PLD5: variants seen among roughly 807,000 people sequenced by gnomAD.
PLD5 encodes the protein inactive phospholipase D5.
A neutral mutation model predicts 61.1 loss-of-function variants in PLD5; 36 were observed. The observed-to-expected ratio is 0.59, with a 90% confidence interval of 0.45 to 0.78. PLD5 has a LOEUF of 0.78. PLD5 is among the 30% of genes least tolerant of loss of function. The pLI is 0.00. For missense variants in PLD5, 515 were observed against 644.4 expected (o/e 0.80, Z 2.17); for synonymous variants, 243 against 242.8 (o/e 1.00, Z -0.01).
intron 5 of PLD5, among the ~76,000 whole-genome samples, chr1:242,137,128 CAT>C (rs1256622396): frequency 1.3e-5 from 2 of 152,330 alleles, no homozygotes; most frequent in Non-Finnish European, 1.5e-5. Context: ...GTCCAGGACA[CAT>C]AGCCCTCCTG....
intron 2 of PLD5, among the ~76,000 whole-genome samples, chr1:242,314,831 TC>T (rs1676910443): frequency 1.3e-5 from 2 of 152,228 alleles, no homozygotes; most frequent in African/African-American, 4.8e-5. Flanking sequence ...TTTTTTTTTT[TC>T]TAAGTTGGAG....
intron 2 of PLD5, among the ~76,000 whole-genome samples, chr1:242,330,619 G>T (rs1391390884): frequency 2.6e-5 from 4 of 152,080 alleles, no homozygotes; most frequent in Non-Finnish European, 5.9e-5. Flanking sequence ...TCTAGCATTA[G>T]CACAGTCTTC....
At chr1:242,407,570 T>G (rs10926727) in intron 1 of PLD5, among the ~76,000 whole-genome samples, 1 of 150,714 alleles carries the variant, frequency 6.6e-6, no homozygotes, top group Non-Finnish European at 1.5e-5. Flanking sequence ...TGTTTTTTTT[T>G]TTTTTTTTTG....
intron 9 of PLD5, among the ~76,000 whole-genome samples, chr1:242,098,645 G>T (rs1475285671): frequency 6.6e-6 from 1 of 152,130 alleles, no homozygotes; most frequent in Non-Finnish European, 1.5e-5. Context: ...CTGATTTTTA[G>T]AATTTTCAGT....
At chr1:242,313,340 C>T (rs1406196835) in intron 2 of PLD5, among the ~76,000 whole-genome samples, 1 of 152,186 alleles carries the variant, frequency 6.6e-6, no homozygotes, top group Non-Finnish European at 1.5e-5. Flanking sequence ...ATCTCTCATC[C>T]ATAAAGGGTA....
chr1:242,239,036 TA>T (rs1433098998), intron 4 of PLD5, among the ~76,000 whole-genome samples: 2 of 152,196 alleles, frequency 1.3e-5, no homozygotes, highest in Non-Finnish European at 2.9e-5. Context: ...TGTCATGAAG[TA>T]AAAGGTGATC....
At chr1:242,184,427 C>T (rs1667743133) in intron 5 of PLD5, among the ~76,000 whole-genome samples, 2 of 151,964 alleles carry the variant, frequency 1.3e-5, no homozygotes. Context: ...CTCTGTCAAC[C>T]AGGCTGGAGT....
chr1:242,164,932 C>T (rs1666191377), intron 5 of PLD5, among the ~76,000 whole-genome samples: 1 of 152,144 alleles, frequency 6.6e-6, no homozygotes, highest in South Asian at 2.1e-4. Context: ...TAACCTTCCA[C>T]CCTTCCACAG....
In PLD5 at chr1:242,524,068, C is replaced by CG; in HGVS notation, c.189+19dup. On this transcript the variant is annotated intron_variant, in intron 1 of 9. Transcript: ENST00000536534. ...GCGGCAGGTGCCTGGCCGAGGCCCC[C>CG]GGGAGCGAGTCGCCCTTACGTGCTC... 1.3e-6 allele frequency: 2 copies of CG among 1,528,292 alleles called. No individual in the cohort carries two copies. The highest frequency in any genetic ancestry group is 5.0e-5 in the East Asian group (2 of 39,860). The allele number at this position is 1,528,292 out of a possible 1,614,324, so 94.7% of individuals were successfully genotyped here.
chr1:242,398,972 A>G (rs1663763858), intron 1 of PLD5, among the ~76,000 whole-genome samples: 1 of 152,194 alleles, frequency 6.6e-6, no homozygotes, highest in Non-Finnish European at 1.5e-5. Flanking sequence ...TCTAACAGGG[A>G]TCAATCCAAG....
intron 5 of PLD5, among the ~76,000 whole-genome samples, chr1:242,194,153 A>T (rs427498): frequency 1.3e-5 from 2 of 152,000 alleles, no homozygotes; most frequent in African/African-American, 4.8e-5. Context: ...GTCACCAACC[A>T]AAAAGGTTGC....
intron 5 of PLD5, among the ~76,000 whole-genome samples, chr1:242,197,466 G>A (rs950242253): frequency 1.8e-4 from 27 of 152,082 alleles, no homozygotes; most frequent in Non-Finnish European, 3.5e-4. Flanking sequence ...ACAGGTGACT[G>A]ACTGCCTTTT....
intron 4 of PLD5, among the ~76,000 whole-genome samples, chr1:242,251,772 G>GT (rs1335684597): frequency 6.6e-6 from 1 of 152,138 alleles, no homozygotes; most frequent in Non-Finnish European, 1.5e-5. Flanking sequence ...AAATGTAAAG[G>GT]TAAGAGAGAA....
chr1:242,421,325 G>T (rs1484836054), intron 1 of PLD5, among the ~76,000 whole-genome samples: 3 of 152,008 alleles, frequency 2.0e-5, no homozygotes, highest in Non-Finnish European at 4.4e-5. Context: ...GACATTCCAG[G>T]CTGTAGGTTG....
chr1:242,515,029 G>A (rs1669058085), intron 1 of PLD5, among the ~76,000 whole-genome samples: 1 of 152,160 alleles, frequency 6.6e-6, no homozygotes, highest in African/African-American at 2.4e-5. Flanking sequence ...ACATAAAGAT[G>A]CAAATCTTCT....
At chr1:242,257,038 TTCTA>T (rs35243238) in intron 4 of PLD5, among the ~76,000 whole-genome samples, 5,493 of 142,348 alleles carry the variant, frequency 0.039, 112 homozygotes, top group Middle Eastern at 0.057. Context: ...CCTACCTACC[TTCTA>T]TCTATCTATC....
chr1:242,174,904 T>G (rs1667020311), intron 5 of PLD5, among the ~76,000 whole-genome samples: 1 of 151,326 alleles, frequency 6.6e-6, no homozygotes, highest in Non-Finnish European at 1.5e-5. Context: ...GGTCATGAGG[T>G]GGGGGGAGGG....
chr1:242,347,954 A>G, intron 2 of PLD5, 152 bp downstream of exon 2: 4 of 768,834 alleles, frequency 5.2e-6, no homozygotes, highest in Non-Finnish European at 8.3e-6. Context: ...CCTAAAAGTA[A>G]GAGTACTAGT....
At chr1:242,212,267 C>T (rs1669875976) in intron 5 of PLD5, among the ~76,000 whole-genome samples, 1 of 152,214 alleles carries the variant, frequency 6.6e-6, no homozygotes, top group East Asian at 1.9e-4. Flanking sequence ...AGCGAAGAGA[C>T]CCTGTCTTAA....
Sources: allele counts gnomAD v4.1 joint callset (sites outside exome capture counted in the v4.1 genomes callset), GRCh38; gene constraint gnomAD v4.1.1; transcripts MANE v1.5; gene names NCBI Gene and HGNC (gene_info 2026-07-23, HGNC 2026-07-21).